Variants in STIM1 observed in about 807,000 individuals in gnomAD.
The protein encoded by STIM1 is stromal interaction molecule 1.
A neutral mutation model predicts 74.7 loss-of-function variants in STIM1; 25 were observed. The observed-to-expected ratio is 0.33, with a 90% confidence interval of 0.24 to 0.47. STIM1 has a LOEUF of 0.47. Among genes scored for constraint, STIM1 ranks in the 20% least tolerant of loss-of-function variants. The pLI is 1.00. For missense variants in STIM1, 728 were observed against 920.8 expected, an observed-to-expected ratio of 0.79 and a Z score of 2.71; for synonymous variants, 328 against 348.8, an observed-to-expected ratio of 0.94 and a Z score of 0.66.
At chr11:3,947,925 A>G (rs1303574884) in intron 1 of STIM1, among the ~76,000 whole-genome samples, 1 of 152,196 alleles carries the variant, frequency 6.6e-6, no homozygotes, top group Non-Finnish European at 1.5e-5. Flanking sequence ...GAAGTGATCA[A>G]CATAGTTCCT....
At chr11:3,858,547 G>T (rs1310677711) in intron 1 of STIM1, among the ~76,000 whole-genome samples, 2 of 152,254 alleles carry the variant, frequency 1.3e-5, no homozygotes, top group East Asian at 3.9e-4. Context: ...GGTCTACCTG[G>T]GGTTTTGTCT....
intron 1 of STIM1, among the ~76,000 whole-genome samples, chr11:3,876,496 C>T (rs2091310932): frequency 6.6e-6 from 1 of 152,200 alleles, no homozygotes. Context: ...ACCTTGAGCT[C>T]TTGGGCTCAA....
At chr11:4,004,999 T>C (rs370934794) in intron 2 of STIM1, among the ~76,000 whole-genome samples, 2 of 152,150 alleles carry the variant, frequency 1.3e-5, no homozygotes, top group Admixed American at 1.3e-4. Flanking sequence ...TCATCACTGG[T>C]CATCAGAGAA....
At chr11:3,939,681 A>G (rs1248114741) in intron 1 of STIM1, among the ~76,000 whole-genome samples, 1 of 152,204 alleles carries the variant, frequency 6.6e-6, no homozygotes, top group East Asian at 1.9e-4. Flanking sequence ...CAGATTACAC[A>G]CTAGATCAAC....
intron 1 of STIM1, among the ~76,000 whole-genome samples, chr11:3,912,631 G>A (rs1429647586): frequency 6.6e-6 from 1 of 152,178 alleles, no homozygotes; most frequent in African/African-American, 2.4e-5. Flanking sequence ...CTCCCAAAGT[G>A]TTGGGATTAC....
At chr11:4,043,832 T>C (rs186072715) in intron 3 of STIM1, among the ~76,000 whole-genome samples, 2 of 152,086 alleles carry the variant, frequency 1.3e-5, no homozygotes, top group African/African-American at 4.8e-5. Context: ...CTGGCCAACA[T>C]GGTGAAACCC....
chr11:3,994,175 A>G (rs2093640688), intron 2 of STIM1, among the ~76,000 whole-genome samples: 1 of 152,178 alleles, frequency 6.6e-6, no homozygotes, highest in Admixed American at 6.5e-5. Flanking sequence ...CCCTTTGATC[A>G]TGTTATCCCA....
At chr11:3,893,022 G>A (rs142190086) in intron 1 of STIM1, 388 of 606,354 alleles carry the variant, frequency 6.4e-4, no homozygotes, top group African/African-American at 4.5e-3. Context: ...CACCCACTTC[G>A]TCCTCCCAAA....
rs1174541276 is a variant in STIM1 at position 3,895,614 on chromosome 11, CTTT to C, written c.139+39206_139+39208del. Among the ~76,000 whole-genome samples, 300 of 62,394 alleles carry C rather than the reference CTTT, an allele frequency of 4.8e-3. 8 individuals are homozygous for C. The highest frequency in any genetic ancestry group is 7.8e-3 in the Non-Finnish European group (253 of 32,478). The allele number at this position is 62,394 out of a possible 152,430, so 40.9% of individuals were successfully genotyped here. A position where few individuals can be genotyped will look rare whatever the true frequency, so the allele number is the denominator to read the frequency against. ...TAGTGTTCTTTCTTTCTCTCTCTTT[CTTT>C]CTTTCTTTCTTTCTTTCTTTCTTTC... On this transcript the variant is annotated intron_variant, in intron 1 of 12. Transcript: ENST00000526596.
At chr11:4,083,547 G>A (rs2094476750) in intron 10 of STIM1, 49 bp downstream of exon 10, 1 of 1,548,412 alleles carries the variant, frequency 6.5e-7, no homozygotes, top group Non-Finnish European at 8.8e-7. Flanking sequence ...TGATGTACAG[G>A]TTGAGAAGTC....
intron 3 of STIM1, among the ~76,000 whole-genome samples, chr11:4,049,128 G>GGTGATGATGCAATTTGCCATGTTGC (rs1311175567): frequency 6.6e-6 from 1 of 152,192 alleles, no homozygotes; most frequent in Non-Finnish European, 1.5e-5. Flanking sequence ...CTCCACGTAT[G>GGTGATGATGCAATTTGCCATGTTGC]GTGATGATGC....
chr11:3,869,890 C>CAA (rs2091014868), intron 1 of STIM1, among the ~76,000 whole-genome samples: 1 of 151,970 alleles, frequency 6.6e-6, no homozygotes, highest in Non-Finnish European at 1.5e-5. Flanking sequence ...CAGTAGGACT[C>CAA]AGAGTTTAAA....
chr11:3,891,247 C>T (rs931028427), intron 1 of STIM1, among the ~76,000 whole-genome samples: 13 of 151,792 alleles, frequency 8.6e-5, no homozygotes, highest in Non-Finnish European at 1.3e-4. Context: ...GTTCTAATTC[C>T]AAACTCTATT....
At position 4,091,867 on chromosome 11, in the gene STIM1, T is replaced by C; in HGVS notation, c.*69T>C. On this transcript the variant is annotated 3_prime_UTR_variant, in exon 13 of 13. Coordinates refer to ENST00000526596, the MANE Select transcript of STIM1 (RefSeq NM_001382567.1). ...GTGTTCTGTCTCTCCTTCCCTCCCT[T>C]CCTTCAAGATAACTGGCCCCAAGAG... 3 of 1,587,724 alleles carry C rather than the reference T, an allele frequency of 1.9e-6. No homozygotes were observed. The highest frequency in any genetic ancestry group is 2.6e-6 in the Non-Finnish European group (3 of 1,173,434).
chr11:3,909,368 A>G (rs1010541400), intron 1 of STIM1, among the ~76,000 whole-genome samples: 1 of 152,216 alleles, frequency 6.6e-6, no homozygotes, highest in African/African-American at 2.4e-5. Context: ...TGGGTATAAC[A>G]TATCTCCCTC....
intron 3 of STIM1, among the ~76,000 whole-genome samples, chr11:4,047,922 G>A (rs1475615716): frequency 6.6e-6 from 1 of 151,600 alleles, no homozygotes; most frequent in Non-Finnish European, 1.5e-5. Flanking sequence ...AGGTTCGAGT[G>A]ATTCTTCTGC....
At chr11:3,977,734 A>G (rs1466567055) in intron 2 of STIM1, among the ~76,000 whole-genome samples, 1 of 152,178 alleles carries the variant, frequency 6.6e-6, no homozygotes, top group Non-Finnish European at 1.5e-5. Context: ...AACTTTAGGC[A>G]AATAACCTTA....
At chr11:3,872,276 C>G (rs554681351) in intron 1 of STIM1, among the ~76,000 whole-genome samples, 1 of 152,068 alleles carries the variant, frequency 6.6e-6, no homozygotes, top group African/African-American at 2.4e-5. Flanking sequence ...TCATGTTGAA[C>G]TCCTGACCTC....
At chr11:4,082,501 CT>C in intron 8 of STIM1, 150 bp downstream of exon 8, 1 of 861,348 alleles carries the variant, frequency 1.2e-6, no homozygotes, top group Non-Finnish European at 1.8e-6. Flanking sequence ...TAATGTTCAG[CT>C]CCTGACAGTG....
Sources: allele counts gnomAD v4.1 joint callset (sites outside exome capture counted in the v4.1 genomes callset), GRCh38; gene constraint gnomAD v4.1.1; transcripts MANE v1.5; gene names NCBI Gene and HGNC (gene_info 2026-07-23, HGNC 2026-07-21).